GPC6: variants seen among roughly 807,000 people sequenced by gnomAD.
The protein encoded by GPC6 is glypican-6.
GPC6 carries 14 observed loss-of-function variants against 55.2 expected under a neutral mutation model. That is an observed-to-expected ratio of 0.25 (90% confidence interval 0.17 to 0.40). The LOEUF is 0.40. Ranked by LOEUF, GPC6 falls within the 10% of genes least tolerant of loss-of-function variation. The probability of loss-of-function intolerance (pLI) is 1.00; values close to 1 mark genes in which losing one functional copy is unlikely to be tolerated. For missense variants in GPC6, 641 were observed against 708.5 expected (o/e 0.90, Z 1.08); for synonymous variants, 278 against 259.6 (o/e 1.07, Z -0.68).
chr13:93,331,516 A>C (rs954943632), intron 1 of GPC6, among the ~76,000 whole-genome samples: 15 of 152,136 alleles, frequency 9.9e-5, no homozygotes, highest in Admixed American at 9.8e-4. Flanking sequence ...CACCTTTTGG[A>C]GCAAGTATAT....
At position 94,403,541 on chromosome 13, in the gene GPC6, GT is replaced by G. The variant is rs35614368; in HGVS notation, c.*334del. On this transcript the variant is annotated 3_prime_UTR_variant, in exon 9 of 9. Transcript: ENST00000377047. ...AGTAAAGGAATCTCACGTTGTGAGG[GT>G]TTTTTTTTTCTCATTTAAAATAAAA... 188 of 256,372 alleles carry G rather than the reference GT, an allele frequency of 7.3e-4. No individual in the cohort carries two copies. The highest frequency in any genetic ancestry group is 1.3e-3 in the Middle Eastern group (1 of 746). 15.9% of individuals were successfully genotyped at this position (256,372 alleles called of 1,614,324 possible). A position where few individuals can be genotyped will look rare whatever the true frequency, so the allele number is the denominator to read the frequency against.
At chr13:94,142,482 T>G (rs17196022) in intron 4 of GPC6, among the ~76,000 whole-genome samples, 27,639 of 152,198 alleles carry the variant, frequency 0.18, 2,818 homozygotes, top group Non-Finnish European at 0.23. Flanking sequence ...ATCTCACAAT[T>G]CAGTTAACAC....
chr13:93,787,638 A>G (rs1594456942), intron 2 of GPC6, among the ~76,000 whole-genome samples: 1 of 152,184 alleles, frequency 6.6e-6, no homozygotes, highest in Non-Finnish European at 1.5e-5. Context: ...GGTCATTGGG[A>G]TATCCATCAC....
At chr13:94,252,067 T>A (rs1437761168) in intron 4 of GPC6, among the ~76,000 whole-genome samples, 2 of 152,132 alleles carry the variant, frequency 1.3e-5, no homozygotes, top group Non-Finnish European at 2.9e-5. Flanking sequence ...GGAACTCCTG[T>A]CATTCTAGAG....
At chr13:93,343,082 TGTG>T (rs1880314102) in intron 1 of GPC6, among the ~76,000 whole-genome samples, 1 of 152,174 alleles carries the variant, frequency 6.6e-6, no homozygotes, top group Admixed American at 6.5e-5. Context: ...AATAAATAGA[TGTG>T]GTATTTGTTG....
intron 2 of GPC6, among the ~76,000 whole-genome samples, chr13:93,686,903 A>G (rs1320504485): frequency 1.3e-5 from 2 of 152,074 alleles, no homozygotes; most frequent in Non-Finnish European, 1.5e-5. Flanking sequence ...ATTCTCTAAT[A>G]TATTGAGCTG....
intron 4 of GPC6, among the ~76,000 whole-genome samples, chr13:94,071,105 A>C (rs1334772489): frequency 6.6e-6 from 1 of 152,210 alleles, no homozygotes; most frequent in African/African-American, 2.4e-5. Flanking sequence ...CATGCCTGGC[A>C]TGTGCCATCT....
At chr13:93,759,363 C>T (rs1884884052) in intron 2 of GPC6, among the ~76,000 whole-genome samples, 2 of 152,192 alleles carry the variant, frequency 1.3e-5, no homozygotes, top group African/African-American at 4.8e-5. Context: ...CAGCACCTCA[C>T]ACTGATTCCT....
chr13:93,383,212 T>A (rs189634953), intron 1 of GPC6, among the ~76,000 whole-genome samples: 1 of 152,132 alleles, frequency 6.6e-6, no homozygotes, highest in Admixed American at 6.5e-5. Flanking sequence ...GAAAAACAAA[T>A]CTCCATATAT....
intron 1 of GPC6, among the ~76,000 whole-genome samples, chr13:93,274,869 A>G (rs1388458793): frequency 6.6e-6 from 1 of 152,220 alleles, no homozygotes; most frequent in Admixed American, 6.5e-5. Flanking sequence ...CTGTGCTTTC[A>G]AAGTGCTTTA....
At chr13:94,302,881 G>A (rs1594148060) in intron 5 of GPC6, among the ~76,000 whole-genome samples, 1 of 152,346 alleles carries the variant, frequency 6.6e-6, no homozygotes, top group East Asian at 1.9e-4. Context: ...GAAGCCGTGG[G>A]TCACGGAAGA....
intron 1 of GPC6, among the ~76,000 whole-genome samples, chr13:93,448,971 T>G (rs1308522240): frequency 2.6e-5 from 4 of 152,194 alleles, no homozygotes; most frequent in African/African-American, 9.7e-5. Flanking sequence ...CTACTACATA[T>G]AGAAAGGTAC....
At chr13:93,475,171 C>CAT (rs1376923689) in intron 1 of GPC6, among the ~76,000 whole-genome samples, 1 of 151,992 alleles carries the variant, frequency 6.6e-6, no homozygotes, top group Non-Finnish European at 1.5e-5. Flanking sequence ...CACACACACA[C>CAT]ACACACACAA....
At chr13:93,319,802 A>G (rs1377636503) in intron 1 of GPC6, among the ~76,000 whole-genome samples, 2 of 152,108 alleles carry the variant, frequency 1.3e-5, no homozygotes, top group Non-Finnish European at 2.9e-5. Flanking sequence ...AGACCAGATC[A>G]CAGAGGCCTC....
chr13:94,175,623 T>C (rs949070291), intron 4 of GPC6, among the ~76,000 whole-genome samples: 1 of 152,060 alleles, frequency 6.6e-6, no homozygotes, highest in Non-Finnish European at 1.5e-5. Context: ...CTCCCAGCAA[T>C]GGAGTATGAG....
At chr13:93,333,300 T>G (rs1327942014) in intron 1 of GPC6, among the ~76,000 whole-genome samples, 1 of 152,218 alleles carries the variant, frequency 6.6e-6, no homozygotes, top group Non-Finnish European at 1.5e-5. Flanking sequence ...AGAATGGATA[T>G]TTTAATGGTA....
At chr13:94,308,783 C>T (rs767375267) in intron 6 of GPC6, among the ~76,000 whole-genome samples, 1 of 152,164 alleles carries the variant, frequency 6.6e-6, no homozygotes, top group Non-Finnish European at 1.5e-5. Context: ...GCACTGTTTG[C>T]GCATCAAACG....
rs1280048783 is a variant in GPC6 at position 93,493,988 on chromosome 13, A to C, written c.161-51275A>C. The stretch of plus-strand genomic sequence containing the variant: ...TAGGTGTGGTGTGATGCTGAAAAAA[A>C]TGTATATTCTGTTGATTTGTGGTGG... On this transcript the variant is annotated intron_variant, in intron 1 of 8. Transcript: ENST00000377047. Among the ~76,000 whole-genome samples, 2 of 126,732 alleles carry C rather than the reference A, an allele frequency of 1.6e-5. 1 individual carries two copies. Among genetic ancestry groups the C allele is most frequent in the Admixed American group, 1.6e-4 (2 of 12,316 alleles). The allele number at this position is 126,732 out of a possible 152,430, so 83.1% of individuals were successfully genotyped here. A position where few individuals can be genotyped will look rare whatever the true frequency, so the allele number is the denominator to read the frequency against.
intron 2 of GPC6, among the ~76,000 whole-genome samples, chr13:93,597,101 G>A (rs1006239040): frequency 6.6e-6 from 1 of 151,854 alleles, no homozygotes; most frequent in East Asian, 1.9e-4. Flanking sequence ...TTCTATCTAG[G>A]CCTTCCACTG....
Sources: allele counts gnomAD v4.1 joint callset (sites outside exome capture counted in the v4.1 genomes callset), GRCh38; gene constraint gnomAD v4.1.1; transcripts MANE v1.5; gene names NCBI Gene and HGNC (gene_info 2026-07-23, HGNC 2026-07-21).